ERCC8: variants seen among roughly 807,000 people sequenced by gnomAD.
ERCC8 encodes ERCC excision repair 8, CSA ubiquitin ligase complex subunit.
ERCC8 carries 52 observed loss-of-function variants against 54.9 expected under a neutral mutation model. That is an observed-to-expected ratio of 0.95 (90% CI 0.76 to 1.19). ERCC8 has a LOEUF of 1.19. ERCC8 is among the 50% of genes most tolerant of loss of function. The probability of loss-of-function intolerance (pLI) is 0.00; values close to 1 mark genes in which losing one functional copy is unlikely to be tolerated. For missense variants in ERCC8, 514 were observed against 466.1 expected, an observed-to-expected ratio of 1.10 and a Z score of -0.95; for synonymous variants, 146 against 157.2, an observed-to-expected ratio of 0.93 and a Z score of 0.53.
intron 4 of ERCC8, among the ~76,000 whole-genome samples, chr5:60,915,988 G>T (rs1036864504): frequency 6.6e-6 from 1 of 151,798 alleles, no homozygotes; most frequent in African/African-American, 2.4e-5. Flanking sequence ...TAAGAGCCTG[G>T]GTGTTTTCCT....
chr5:60,894,075 C>T (rs1305676427), intron 9 of ERCC8, among the ~76,000 whole-genome samples: 5 of 151,640 alleles, frequency 3.3e-5, no homozygotes, highest in Non-Finnish European at 7.4e-5. Flanking sequence ...AGCTCCGCCT[C>T]CCGGGTTCAC....
At chr5:60,876,739 C>G (rs1748021967) in intron 11 of ERCC8, among the ~76,000 whole-genome samples, 1 of 151,984 alleles carries the variant, frequency 6.6e-6, no homozygotes, top group Admixed American at 6.6e-5. Context: ...TTGTTTTTTT[C>G]TTGTAAATTT....
At chr5:60,880,840 C>T (rs1475899514) in intron 11 of ERCC8, among the ~76,000 whole-genome samples, 2 of 152,066 alleles carry the variant, frequency 1.3e-5, no homozygotes, top group East Asian at 1.9e-4. Context: ...GTAGTTTGAT[C>T]GTCTGAAGCC....
Position 60,916,803 on chromosome 5 carries a change from G to A in ERCC8, c.399+1462C>T, listed in dbSNP as rs568906796. 3.3e-5 allele frequency among the ~76,000 whole-genome samples: 5 copies of A among 151,888 alleles called. No homozygotes were observed. The South Asian group carries it at 6.2e-4, about 19-fold the overall frequency. On this transcript the variant is annotated intron_variant, in intron 4 of 11. Transcript: ENST00000676185. Reference sequence around the variant, plus strand: ...TACTTCATGATTTTATTACTTTTTAGTATGTGGCCAGTTACATACATTGTT... The same window carrying A: ...TACTTCATGATTTTATTACTTTTTAATATGTGGCCAGTTACATACATTGTT...
At chr5:60,898,232 C>T in intron 9 of ERCC8, 44 bp downstream of exon 9, 1 of 1,582,538 alleles carries the variant, frequency 6.3e-7, no homozygotes, top group East Asian at 2.2e-5. Flanking sequence ...GTCACAGATC[C>T]ATTTCTTAAT....
In ERCC8 at chr5:60,902,461, A is replaced by G; in HGVS notation, c.598T>C (p.Tyr200His). 1 of 1,612,036 alleles carries G rather than the reference A, an allele frequency of 6.2e-7. No homozygotes were observed. Among genetic ancestry groups the G allele is most frequent in the Non-Finnish European group, 8.5e-7 (1 of 1,178,430 alleles). The change falls in exon 7 of 12, where the codon TAT (tyrosine) becomes CAT (histidine). Residue 200 changes from tyrosine to histidine, a missense_variant. Coordinates refer to ENST00000676185, the MANE Select transcript of ERCC8 (RefSeq NM_000082.4). ...TTTTACCTTGCTGTTGCCAAGATAT[A>G]GTCATAACGTGGAGACCAGGAAACT... ...LAVSWSPRYD[Y>H]ILATASADSR... is the part of the protein sequence containing the mutation.
intron 4 of ERCC8, among the ~76,000 whole-genome samples, chr5:60,913,762 A>G (rs907985507): frequency 1.3e-5 from 2 of 152,128 alleles, no homozygotes; most frequent in African/African-American, 4.8e-5. Flanking sequence ...ATACTGCTTT[A>G]AATGTGTCCC....
chr5:60,874,685 T>TAAA lies in ERCC8; in HGVS notation c.1123-5_1123-3dup. 7.5e-7 allele frequency: 1 copy of TAAA among 1,332,820 alleles called. No individual in the cohort carries two copies. The highest frequency in any genetic ancestry group is 1.5e-5 in the African/African-American group (1 of 65,074). 82.6% of individuals were successfully genotyped at this position (1,332,820 alleles called of 1,614,324 possible). A position where few individuals can be genotyped will look rare whatever the true frequency, so the allele number is the denominator to read the frequency against. On this transcript the variant is annotated splice_polypyrimidine_tract_variant and splice_region_variant and intron_variant, in intron 11 of 11. Transcript: ENST00000676185. Reference sequence around the variant, plus strand: ...ATTTAATTGTGATTTTGTTGTAGTCTAAAAAAAAAAAAGATAAAGAAAAAG... The same window carrying TAAA: ...ATTTAATTGTGATTTTGTTGTAGTCTAAAAAAAAAAAAAAAGATAAAGAAAAAG...
Position 60,874,612 on chromosome 5 carries a change from TATTC to T in ERCC8, c.1190_*2del. On this transcript the variant is annotated stop_lost and 3_prime_UTR_variant, in exon 12 of 12. Transcript: ENST00000676185. ...AGAGACAAAAAGGTACTAAAGATGA[TATTC>T]ATCCTTCTTCATCACTGCTGCTCCA... The T allele has an allele frequency of 6.2e-7, 1 of 1,612,994 alleles. No individual in the cohort carries two copies. Among genetic ancestry groups the T allele is most frequent in the South Asian group, 1.1e-5 (1 of 90,934 alleles).
intron 2 of ERCC8, among the ~76,000 whole-genome samples, chr5:60,925,329 G>T (rs770810014): frequency 5.9e-5 from 9 of 151,940 alleles, no homozygotes; most frequent in Non-Finnish European, 1.0e-4. Context: ...TATTGTCTCT[G>T]TACTGCTCAA....
At chr5:60,905,872 G>A (rs1450550862) in intron 4 of ERCC8, among the ~76,000 whole-genome samples, 2 of 152,128 alleles carry the variant, frequency 1.3e-5, no homozygotes, top group Admixed American at 6.5e-5. Flanking sequence ...TGGGGGAAGG[G>A]GTGGGAGTGG....
In ERCC8 at chr5:60,892,392, C is replaced by A. The variant is rs552373814; in HGVS notation, c.844-1306G>T. The A allele has an allele frequency of 1.8e-5, 10 of 546,666 alleles. No individual in the cohort carries two copies. The Admixed American group carries it at 2.0e-4, about 11-fold the overall frequency. The allele number at this position is 546,666 out of a possible 1,614,324, so 33.9% of individuals were successfully genotyped here. On this transcript the variant is annotated intron_variant, in intron 9 of 11. Transcript: ENST00000676185. Reference sequence around the variant, plus strand: ...GTGTCTTCATTGACTTGCTCGGTATCCTCGATGTCAAAGAACTTGGTCATT... The same window carrying A: ...GTGTCTTCATTGACTTGCTCGGTATACTCGATGTCAAAGAACTTGGTCATT...
At chr5:60,939,273 C>T (rs1044250770) in intron 1 of ERCC8, among the ~76,000 whole-genome samples, 9 of 152,166 alleles carry the variant, frequency 5.9e-5, no homozygotes, top group African/African-American at 2.2e-4. Context: ...TTTAATCATA[C>T]ACATACTGCA....
chr5:60,934,389 G>A lies in ERCC8; in HGVS notation c.78-5430C>T, dbSNP rs181261964. On this transcript the variant is annotated intron_variant, in intron 1 of 11. Transcript: ENST00000676185. ...TGGCCATTTGTATATCTTCTTTTGAGAACTGTCTATCCATGTCAGCCCACT... is the reference window on the plus strand; with the variant it reads ...TGGCCATTTGTATATCTTCTTTTGAAAACTGTCTATCCATGTCAGCCCACT... 3.1e-3 allele frequency among the ~76,000 whole-genome samples: 474 copies of A among 152,190 alleles called. 14 individuals carry two copies. The highest frequency in any genetic ancestry group is 0.028 in the Admixed American group (423 of 15,280).
At chr5:60,893,460 C>T in intron 9 of ERCC8, 3 of 959,376 alleles carry the variant, frequency 3.1e-6, no homozygotes, top group Non-Finnish European at 5.1e-6. Flanking sequence ...TTGGAGTGAA[C>T]AAACTGAGGA....
chr5:60,892,082 T>C (rs149353172), intron 9 of ERCC8: 140 of 529,606 alleles, frequency 2.6e-4, no homozygotes, highest in African/African-American at 2.5e-3. Flanking sequence ...AGGGGGTCCA[T>C]CTCCATGATC....
intron 1 of ERCC8, among the ~76,000 whole-genome samples, chr5:60,939,963 T>C (rs1750209411): frequency 6.6e-6 from 1 of 152,226 alleles, no homozygotes. Context: ...CAATCTTGTC[T>C]GGACTTCAGT....
intron 2 of ERCC8, 27 bp downstream of exon 2, chr5:60,928,837 A>G (rs746622718): frequency 1.6e-5 from 20 of 1,259,222 alleles, no homozygotes; most frequent in Non-Finnish European, 2.1e-5. Flanking sequence ...AGAAAGAAAA[A>G]TGATTATACA....
intron 11 of ERCC8, among the ~76,000 whole-genome samples, chr5:60,879,289 C>A (rs1036488541): frequency 1.3e-5 from 2 of 152,162 alleles, no homozygotes; most frequent in South Asian, 2.1e-4. Context: ...TTACTTCCAA[C>A]TATGTGGTCA....
Sources: gnomAD v4.1 joint callset for allele counts (sites outside exome capture counted in the v4.1 genomes callset) on GRCh38, gnomAD v4.1.1 for gene constraint, MANE v1.5 for transcripts, NCBI Gene and HGNC (gene_info 2026-07-23, HGNC 2026-07-21) for gene names.